Variants in SLC5A11 observed in about 807,000 individuals in gnomAD.
SLC5A11 encodes solute carrier family 5 member 11.
In SLC5A11, 48 loss-of-function variants were observed where a neutral mutation model predicts 69.8. The observed-to-expected ratio is 0.69, with a 90% CI of 0.55 to 0.87. SLC5A11 has a LOEUF of 0.87. Among genes scored for constraint, SLC5A11 ranks in the 40% least tolerant of loss-of-function variants. The pLI, the probability that SLC5A11 is intolerant of heterozygous loss-of-function variation, is 0.00. For missense variants in SLC5A11, 784 were observed against 866.1 expected (o/e 0.91, Z 1.19); for synonymous variants, 319 against 342.4 (o/e 0.93, Z 0.75).
intron 4 of SLC5A11, among the ~76,000 whole-genome samples, chr16:24,871,602 A>G (rs2047309172): frequency 6.6e-6 from 1 of 152,074 alleles, no homozygotes; most frequent in Admixed American, 6.6e-5. Context: ...TCTGAGCCTC[A>G]TGTACATAAT....
intron 1 of SLC5A11, 97 bp downstream of exon 2, chr16:24,846,535 T>A (rs1172552432): frequency 6.6e-6 from 1 of 152,424 alleles, no homozygotes; most frequent in Non-Finnish European, 1.5e-5. Flanking sequence ...CTGTCACCTG[T>A]GGGGCAGGGG....
At chr16:24,867,286 G>T (rs1336228876) in intron 3 of SLC5A11, among the ~76,000 whole-genome samples, 1 of 151,998 alleles carries the variant, frequency 6.6e-6, no homozygotes, top group Non-Finnish European at 1.5e-5. Context: ...GGCCAAAGAA[G>T]AAATCACAAG....
intron 7 of SLC5A11, among the ~76,000 whole-genome samples, chr16:24,882,475 G>A (rs958955295): frequency 2.0e-5 from 3 of 152,122 alleles, no homozygotes; most frequent in Non-Finnish European, 2.9e-5. Context: ...CGGGCACAGG[G>A]TTTTTAAATT....
At chr16:24,895,740 C>T (rs940038584) in intron 9 of SLC5A11, among the ~76,000 whole-genome samples, 2 of 152,062 alleles carry the variant, frequency 1.3e-5, no homozygotes, top group Non-Finnish European at 2.9e-5. Context: ...CCACCAAGCC[C>T]GGTTTGTGTC....
intron 1 of SLC5A11, among the ~76,000 whole-genome samples, chr16:24,854,662 C>A (rs1462317100): frequency 6.6e-6 from 1 of 152,168 alleles, no homozygotes; most frequent in East Asian, 1.9e-4. Flanking sequence ...AAACTCCTGA[C>A]CTCAGGTGAT....
chr16:24,858,585 G>A (rs1596996115), intron 1 of SLC5A11, 35 bp from the exon 3 acceptor site: 1 of 1,558,310 alleles, frequency 6.4e-7, no homozygotes, highest in African/African-American at 1.4e-5. Context: ...ATGATGCTAG[G>A]ATCTGGCATT....
intron 10 of SLC5A11, among the ~76,000 whole-genome samples, chr16:24,906,299 C>T (rs1418074472): frequency 6.6e-6 from 1 of 151,012 alleles, no homozygotes; most frequent in Non-Finnish European, 1.5e-5. Context: ...TGAGATCGTG[C>T]CACTGCCCTC....
At chr16:24,863,121 AAT>A (rs2046707698) in intron 3 of SLC5A11, among the ~76,000 whole-genome samples, 1 of 145,334 alleles carries the variant, frequency 6.9e-6, no homozygotes. Context: ...TAAATATGTA[AAT>A]ATATATGTAT....
At chr16:24,909,734 CAGG>C (rs2152426174) in intron 14 of SLC5A11, among the ~76,000 whole-genome samples, 1 of 140,480 alleles carries the variant, frequency 7.1e-6, no homozygotes, top group South Asian at 2.3e-4. Context: ...GAGGCTGAGG[CAGG>C]AGGATTGCTT....
At chr16:24,906,256 A>T (rs797021163) in intron 10 of SLC5A11, among the ~76,000 whole-genome samples, 64 of 151,236 alleles carry the variant, frequency 4.2e-4, no homozygotes, top group African/African-American at 1.5e-3. Context: ...CAGGAGAATC[A>T]CTTGAACCTG....
intron 7 of SLC5A11, among the ~76,000 whole-genome samples, chr16:24,883,582 C>A (rs190280159): frequency 2.0e-5 from 3 of 152,134 alleles, no homozygotes; most frequent in Non-Finnish European, 2.9e-5. Context: ...AATTATAGTT[C>A]GGTGTTAGGT....
At chr16:24,889,693 A>G (rs561361417) in intron 8 of SLC5A11, among the ~76,000 whole-genome samples, 1 of 151,488 alleles carries the variant, frequency 6.6e-6, no homozygotes, top group East Asian at 1.9e-4. Context: ...GATTACAGGC[A>G]CCCACCACCA....
intron 1 of SLC5A11, among the ~76,000 whole-genome samples, chr16:24,855,292 G>A (rs867376963): frequency 6.6e-6 from 1 of 152,004 alleles, no homozygotes; most frequent in Non-Finnish European, 1.5e-5. Context: ...CCATGGATGG[G>A]ATTAGCACGT....
Position 24,885,529 on chromosome 16 carries a change from T to A in SLC5A11, c.664+1398T>A, listed in dbSNP as rs115867454. Among the ~76,000 whole-genome samples the A allele has an allele frequency of 6.5e-3, 993 of 152,058 alleles. 11 individuals are homozygous for A. The highest frequency in any genetic ancestry group is 0.023 in the African/African-American group (949 of 41,474). On this transcript the variant is annotated intron_variant, in intron 8 of 15. Transcript: ENST00000347898. ...CAGGTTTGGTGGCATGTGCCTGTAG[T>A]CCCAGCTACCTGACAGGCTGAGGTG...
intron 8 of SLC5A11, among the ~76,000 whole-genome samples, chr16:24,888,196 C>A (rs765552970): frequency 1.6e-4 from 25 of 151,788 alleles, no homozygotes; most frequent in Non-Finnish European, 3.1e-4. Context: ...TCATATACAC[C>A]CCAAAAATTA....
intron 3 of SLC5A11, among the ~76,000 whole-genome samples, chr16:24,868,153 T>C (rs921230508): frequency 1.4e-5 from 2 of 142,984 alleles, no homozygotes; most frequent in Non-Finnish European, 3.1e-5. Flanking sequence ...AAAAAAAAAG[T>C]AAAGACAGTG....
chr16:24,875,770 T>A, intron 6 of SLC5A11, 39 bp downstream of exon 7: 1 of 1,518,372 alleles, frequency 6.6e-7, no homozygotes, highest in Non-Finnish European at 9.1e-7. Flanking sequence ...CCATGCAGCA[T>A]GGGGAGAAGA....
intron 2 of SLC5A11, among the ~76,000 whole-genome samples, chr16:24,860,450 C>T (rs1288742200): frequency 6.6e-6 from 1 of 152,034 alleles, no homozygotes; most frequent in Non-Finnish European, 1.5e-5. Flanking sequence ...GAGTGAAAAT[C>T]CGTCTCAAAA....
chr16:24,880,439 A>G (rs1480447751), intron 7 of SLC5A11, among the ~76,000 whole-genome samples: 1 of 152,114 alleles, frequency 6.6e-6, no homozygotes, highest in African/African-American at 2.4e-5. Context: ...GGTTCAAGCA[A>G]TTCTCCTGCC....
Sources: allele counts gnomAD v4.1 joint callset (sites outside exome capture counted in the v4.1 genomes callset), GRCh38; gene constraint gnomAD v4.1.1; transcripts MANE v1.5; gene names NCBI Gene and HGNC (gene_info 2026-07-23, HGNC 2026-07-21).